CLCC1: variants seen among roughly 807,000 people sequenced by gnomAD.
CLCC1 encodes the protein chloride channel CLIC like 1.
In CLCC1, 39 loss-of-function variants were observed where a neutral mutation model predicts 63.3. The ratio of observed to expected loss-of-function variants is 0.62; its 90% CI spans 0.48 to 0.81. The LOEUF (loss-of-function observed/expected upper bound fraction) is 0.81, where lower values mean the gene tolerates loss of function less well. Ranked by LOEUF, CLCC1 falls within the 30% of genes least tolerant of loss-of-function variation. The pLI, the probability that CLCC1 is intolerant of heterozygous loss-of-function variation, is 0.00. For missense variants in CLCC1, 549 were observed against 669.4 expected, an observed-to-expected ratio of 0.82 and a Z score of 1.98; for synonymous variants, 217 against 239.8, an observed-to-expected ratio of 0.90 and a Z score of 0.88.
At chr1:108,944,170 A>G (rs1294224405) in intron 5 of CLCC1, 113 bp from the exon 6 acceptor site, 3 of 760,102 alleles carry the variant, frequency 3.9e-6, no homozygotes, top group Middle Eastern at 3.9e-4. Context: ...GCAGTATTTC[A>G]TATGTATAAG....
chr1:108,937,670 A>G (rs930423540), intron 10 of CLCC1, among the ~76,000 whole-genome samples: 1 of 152,270 alleles, frequency 6.6e-6, no homozygotes, highest in African/African-American at 2.4e-5. Context: ...CGATTGAACT[A>G]TAACAATGGC....
chr1:108,950,217 C>A, intron 3 of CLCC1, 92 bp downstream of exon 3: 1 of 1,241,452 alleles, frequency 8.1e-7, no homozygotes, highest in South Asian at 1.6e-5. Flanking sequence ...GGATCCATGA[C>A]CCTCATAGCT....
Position 108,943,827 on chromosome 1 carries a change from C to G in CLCC1, c.561+9G>C. The G allele has an allele frequency of 3.1e-6, 5 of 1,595,148 alleles. No homozygotes were observed. The highest frequency in any genetic ancestry group is 4.3e-6 in the Non-Finnish European group (5 of 1,165,300). On this transcript the variant is annotated intron_variant, in intron 6 of 12. Transcript: ENST00000369969. ...TAATGACGTTGCCCTTGCCCTCATC[C>G]CATCTTACCATTAACACATTATATG... is the stretch of plus-strand genomic sequence containing the variant.
At position 108,954,028 on chromosome 1, in the gene CLCC1, A is replaced by C. The variant is rs796885824; in HGVS notation, c.-11-3580T>G. On this transcript the variant is annotated intron_variant, in intron 2 of 12. Transcript: ENST00000369969. Reference sequence around the variant, plus strand: ...TCCGTCTCAAAAAAAAAAAAAAAAAACACATCCGACTGGAGAAACTAGAAA... The same window carrying C: ...TCCGTCTCAAAAAAAAAAAAAAAAACCACATCCGACTGGAGAAACTAGAAA... Among the ~76,000 whole-genome samples the C allele has an allele frequency of 2.0e-5, 3 of 148,998 alleles. 1 individual carries two copies. Among genetic ancestry groups the C allele is most frequent in the Admixed American group, 6.7e-5 (1 of 14,994 alleles).
intron 2 of CLCC1, among the ~76,000 whole-genome samples, chr1:108,958,475 ATACTT>A (rs1040538527): frequency 6.6e-6 from 1 of 151,546 alleles, no homozygotes; most frequent in African/African-American, 2.5e-5. Context: ...CAAGGAATCT[ATACTT>A]TACTTAATAA....
At position 108,937,383 on chromosome 1, in the gene CLCC1, C is replaced by G. The variant is rs2101626786; in HGVS notation, c.1077G>C (p.Val359=). Reference sequence around the variant, plus strand: ...TCTCAGGACCGCCTATATGTCTCAGCACATGAACTGATTTTCCAGCACCAT... The same window carrying G: ...TCTCAGGACCGCCTATATGTCTCAGGACATGAACTGATTTTCCAGCACCAT... ...FCYGAGKSVH[V]LRHIGGPESE... Residue 359 remains valine (V), a synonymous_variant, in exon 11 of 13, where the codon GTG becomes GTC. Coordinates refer to ENST00000369969, the MANE Select transcript of CLCC1 (RefSeq NM_001377458.1). 6.2e-7 allele frequency: 1 copy of G among 1,610,520 alleles called. No individual in the cohort carries two copies. The highest frequency in any genetic ancestry group is 2.2e-5 in the East Asian group (1 of 44,742).
intron 2 of CLCC1, among the ~76,000 whole-genome samples, chr1:108,961,799 C>T (rs767535712): frequency 4.0e-5 from 6 of 151,680 alleles, no homozygotes; most frequent in African/African-American, 9.7e-5. Flanking sequence ...GTGCAGGTTG[C>T]GGTGAGCCGA....
chr1:108,944,147 T>G, intron 5 of CLCC1, 90 bp from the exon 6 acceptor site: 1 of 889,226 alleles, frequency 1.1e-6, no homozygotes, highest in Non-Finnish European at 1.7e-6. Context: ...AATTTGGAAC[T>G]AAATATTAGT....
intron 2 of CLCC1, among the ~76,000 whole-genome samples, chr1:108,952,477 G>C (rs1557898683): frequency 6.6e-6 from 1 of 150,466 alleles, no homozygotes; most frequent in African/African-American, 2.4e-5. Flanking sequence ...GGCCCCCCCT[G>C]TTTTTTTTTA....
At position 108,929,928 on chromosome 1, in the gene CLCC1, G is replaced by C; in HGVS notation, c.*2619C>G. 4 of 1,613,262 alleles carry C rather than the reference G, an allele frequency of 2.5e-6. No individual in the cohort carries two copies. The highest frequency in any genetic ancestry group is 3.4e-6 in the Non-Finnish European group (4 of 1,179,364). ...AGTTTAAAAATTCAGGGAAAAAATC[G>C]GCAGACCATTAGTTACTATGGATTT... On this transcript the variant is annotated 3_prime_UTR_variant, in exon 13 of 13. Coordinates refer to ENST00000369969, the MANE Select transcript of CLCC1 (RefSeq NM_001377458.1).
chr1:108,944,941 T>C (rs1654355452), intron 5 of CLCC1, among the ~76,000 whole-genome samples: 1 of 152,246 alleles, frequency 6.6e-6, no homozygotes, highest in African/African-American at 2.4e-5. Context: ...ACAGTAGTTA[T>C]CTTCTATAAA....
chr1:108,942,892 G>T (rs1654018944), intron 7 of CLCC1, among the ~76,000 whole-genome samples: 1 of 151,950 alleles, frequency 6.6e-6, no homozygotes, highest in Non-Finnish European at 1.5e-5. Context: ...ATTTTTAAAT[G>T]TATCCACATA....
intron 2 of CLCC1, among the ~76,000 whole-genome samples, chr1:108,959,106 G>A (rs1387548100): frequency 6.6e-5 from 10 of 152,110 alleles, no homozygotes; most frequent in East Asian, 1.9e-4. Flanking sequence ...CCCGGGAGGC[G>A]GAGGTTGAGG....
At chr1:108,948,245 T>C (rs933250896) in intron 4 of CLCC1, among the ~76,000 whole-genome samples, 4 of 151,966 alleles carry the variant, frequency 2.6e-5, no homozygotes, top group African/African-American at 9.7e-5. Flanking sequence ...CAGCAATTAA[T>C]CATCCCATGC....
intron 10 of CLCC1, among the ~76,000 whole-genome samples, chr1:108,939,038 A>G (rs966715908): frequency 1.3e-4 from 20 of 151,666 alleles, no homozygotes; most frequent in Non-Finnish European, 2.8e-4. Context: ...CTGATTTACA[A>G]CATCAAAGAA....
chr1:108,951,766 CTTTTTT>C (rs34333498), intron 2 of CLCC1, among the ~76,000 whole-genome samples: 11 of 132,304 alleles, frequency 8.3e-5, no homozygotes, highest in African/African-American at 2.3e-4. Context: ...GAATTGTATA[CTTTTTT>C]TTTTTTTTTT....
chr1:108,957,943 AGAG>A (rs1656122320), intron 2 of CLCC1, among the ~76,000 whole-genome samples: 1 of 151,446 alleles, frequency 6.6e-6, no homozygotes, highest in African/African-American at 2.5e-5. Context: ...ATCAGAAAGA[AGAG>A]GAGGAACCAG....
Position 108,957,566 on chromosome 1 carries a change from T to C in CLCC1, c.-12+4743A>G, listed in dbSNP as rs371185344. On this transcript the variant is annotated intron_variant, in intron 2 of 12. Transcript: ENST00000369969. Reference sequence around the variant, plus strand: ...ATAGGGGTTTATTTCTTATAACATCTCTTGCTACTCTAATACAGAAATACA... The same window carrying C: ...ATAGGGGTTTATTTCTTATAACATCCCTTGCTACTCTAATACAGAAATACA... Among the ~76,000 whole-genome samples, 64 of 151,712 alleles carry C rather than the reference T, an allele frequency of 4.2e-4. 2 individuals carry two copies. In the East Asian group the frequency reaches 9.6e-3, roughly 23 times the overall value.
At position 108,937,300 on chromosome 1, in the gene CLCC1, T is replaced by A. The variant is rs1457028176; in HGVS notation, c.1160A>T (p.Tyr387Phe). The A allele has an allele frequency of 1.2e-6, 2 of 1,614,118 alleles. No homozygotes were observed. Among genetic ancestry groups the A allele is most frequent in the African/African-American group, 2.7e-5 (2 of 74,948 alleles). The change falls in exon 11 of 13, where the codon TAT (tyrosine) becomes TTT (phenylalanine). Residue 387 changes from tyrosine to phenylalanine, a missense_variant. Coordinates refer to ENST00000369969, the MANE Select transcript of CLCC1 (RefSeq NM_001377458.1). ...ATCACCTGCTCCACCATCAGGTCTA[T>A]AATCAATTTCCTCCTGCCGTCTTCT... ...RDRRRQEEID[Y>F]RPDGGAGDAD...
Sources: allele counts gnomAD v4.1 joint callset (sites outside exome capture counted in the v4.1 genomes callset), GRCh38; gene constraint gnomAD v4.1.1; transcripts MANE v1.5; gene names NCBI Gene and HGNC (gene_info 2026-07-23, HGNC 2026-07-21).